COL14A1: variants seen among roughly 807,000 people sequenced by gnomAD.
COL14A1 encodes collagen type XIV alpha 1 chain, also known as collagen alpha-1(XIV) chain.
Under a neutral mutation model 230.3 loss-of-function variants are expected in COL14A1, and 136 were observed. The ratio of observed to expected loss-of-function variants is 0.59; its 90% confidence interval spans 0.51 to 0.68. The LOEUF (loss-of-function observed/expected upper bound fraction) is 0.68, where lower values mean the gene tolerates loss of function less well. COL14A1 is among the 30% of genes least tolerant of loss of function. The pLI is 0.00. For synonymous variants in COL14A1, 792 were observed against 784.1 expected, an observed-to-expected ratio of 1.01 and a Z score of -0.17; for missense variants, 1,976 against 2,215.8, an observed-to-expected ratio of 0.89 and a Z score of 2.17.
At chr8:120,360,882 T>C (rs967242813) in intron 45 of COL14A1, among the ~76,000 whole-genome samples, 1 of 152,020 alleles carries the variant, frequency 6.6e-6, no homozygotes, top group African/African-American at 2.4e-5. Flanking sequence ...TTTGGCAAGG[T>C]CAGCCCAATG....
intron 45 of COL14A1, among the ~76,000 whole-genome samples, chr8:120,348,199 ATATATATATG>A (rs1822591964): frequency 6.7e-6 from 1 of 148,606 alleles, no homozygotes; most frequent in Non-Finnish European, 1.5e-5. Context: ...TATATAAAGC[ATATATATATG>A]TATATATATG....
chr8:120,365,304 C>T (rs1823371978), intron 45 of COL14A1, among the ~76,000 whole-genome samples: 1 of 152,168 alleles, frequency 6.6e-6, no homozygotes, highest in African/African-American at 2.4e-5. Context: ...GATGATCCTG[C>T]ACCGTGAGGT....
chr8:120,295,575 T>C (rs147160636), intron 34 of COL14A1, among the ~76,000 whole-genome samples: 19 of 152,022 alleles, frequency 1.2e-4, no homozygotes, highest in African/African-American at 4.1e-4. Context: ...ATATTATTAT[T>C]GTGGAAACAA....
chr8:120,133,607 C>T (rs1814617587), intron 1 of COL14A1, among the ~76,000 whole-genome samples: 1 of 152,102 alleles, frequency 6.6e-6, no homozygotes, highest in African/African-American at 2.4e-5. Flanking sequence ...AAAGTTTACA[C>T]AGATGGAAAT....
chr8:120,204,182 G>A (rs1329525634), intron 9 of COL14A1, among the ~76,000 whole-genome samples: 3 of 152,138 alleles, frequency 2.0e-5, no homozygotes, highest in Non-Finnish European at 4.4e-5. Context: ...GAAAGATTGT[G>A]TGTTCTTTAC....
chr8:120,131,024 C>T (rs1452371311), intron 1 of COL14A1, among the ~76,000 whole-genome samples: 3 of 152,172 alleles, frequency 2.0e-5, no homozygotes, highest in Non-Finnish European at 4.4e-5. Flanking sequence ...CCAGCTGCAT[C>T]CATGTTGCCG....
intron 40 of COL14A1, among the ~76,000 whole-genome samples, chr8:120,323,736 G>C (rs868113062): frequency 3.9e-5 from 6 of 152,164 alleles, no homozygotes; most frequent in Middle Eastern, 6.8e-3. Flanking sequence ...TTGGTGTGTG[G>C]TCTTATTTCT....
chr8:120,294,434 CTT>C (rs57256972), intron 34 of COL14A1, among the ~76,000 whole-genome samples: 41 of 136,904 alleles, frequency 3.0e-4, no homozygotes, highest in African/African-American at 8.4e-4. Flanking sequence ...GTCTCTTCCT[CTT>C]TTTTTTTTTT....
chr8:120,364,777 G>A (rs1196867665), intron 45 of COL14A1, among the ~76,000 whole-genome samples: 1 of 151,882 alleles, frequency 6.6e-6, no homozygotes, highest in Admixed American at 6.6e-5. Flanking sequence ...CAGACACTCA[G>A]GAGGCTGAGG....
chr8:120,371,817 A>G lies in COL14A1; in HGVS notation c.*586A>G, dbSNP rs1812165720. The G allele has an allele frequency of 5.2e-6, 2 of 387,544 alleles. No homozygotes were observed. The highest frequency in any genetic ancestry group is 9.1e-6 in the Non-Finnish European group (2 of 218,854). The allele number at this position is 387,544 out of a possible 1,614,324, so 24.0% of individuals were successfully genotyped here. A position where few individuals can be genotyped will look rare whatever the true frequency, so the allele number is the denominator to read the frequency against. On this transcript the variant is annotated 3_prime_UTR_variant, in exon 48 of 48. Coordinates refer to ENST00000297848, the MANE Select transcript of COL14A1 (RefSeq NM_021110.4). ...TTAAGCTTTCTGAATTTGGTAGTTT[A>G]AGAAACAGATTTAGTTTTTCAGTGG... is the stretch of plus-strand genomic sequence containing the variant.
intron 40 of COL14A1, among the ~76,000 whole-genome samples, chr8:120,326,958 G>A (rs1477641918): frequency 2.6e-5 from 4 of 152,152 alleles, no homozygotes; most frequent in South Asian, 2.1e-4. Flanking sequence ...CCTGGGAGGC[G>A]GAGGTTGCCA....
At chr8:120,267,469 A>G (rs1184077392) in intron 25 of COL14A1, among the ~76,000 whole-genome samples, 2 of 151,980 alleles carry the variant, frequency 1.3e-5, no homozygotes, top group African/African-American at 4.8e-5. Context: ...AAAGAGAAAT[A>G]GGTGCTTGCC....
chr8:120,278,064 G>T, intron 26 of COL14A1, 47 bp from the exon 27 acceptor site: 1 of 1,514,586 alleles, frequency 6.6e-7, no homozygotes, highest in Non-Finnish European at 8.8e-7. Context: ...CTCTGACCCA[G>T]TGGAAGTCTA....
intron 26 of COL14A1, among the ~76,000 whole-genome samples, chr8:120,273,639 A>T (rs1231241155): frequency 6.6e-6 from 1 of 151,772 alleles, no homozygotes; most frequent in Non-Finnish European, 1.5e-5. Context: ...AATGCAAAAG[A>T]TTATTCAAGA....
chr8:120,182,420 A>G (rs2198749), intron 5 of COL14A1, among the ~76,000 whole-genome samples: 101,241 of 152,054 alleles, frequency 0.67, 34,480 homozygotes, highest in African/African-American at 0.81. Context: ...ATTGCAAAAT[A>G]TCAGGATTGG....
intron 4 of COL14A1, among the ~76,000 whole-genome samples, chr8:120,164,861 C>T (rs1815810654): frequency 6.6e-6 from 1 of 152,184 alleles, no homozygotes; most frequent in South Asian, 2.1e-4. Flanking sequence ...AAAGATTCAT[C>T]TTTCTCTAGT....
At position 120,262,994 on chromosome 8, in the gene COL14A1, T is replaced by G. The variant is rs1253629896; in HGVS notation, c.2996T>G (p.Val999Gly). 6.2e-7 allele frequency: 1 copy of G among 1,606,976 alleles called. No individual in the cohort carries two copies. Among genetic ancestry groups the G allele is most frequent in the South Asian group, 1.1e-5 (1 of 89,156 alleles). Residue 999 changes from valine (V) to glycine (G), a missense_variant, in exon 24 of 48, where the codon GTG becomes GGG. This residue lies in a region of COL14A1 where 1,791 missense variants were observed against 2,019.5 expected (regional missense o/e 0.89). Transcript: ENST00000297848. ...CTCCAGGAGATTGAAGGACCTAGTG[T>G]GAGCATAATGGAAAAAACACGTAAG... ...TKLQEIEGPS[V>G]SIMEKTQSLP...
At chr8:120,304,551 C>G (rs1820803948) in intron 36 of COL14A1, among the ~76,000 whole-genome samples, 1 of 152,046 alleles carries the variant, frequency 6.6e-6, no homozygotes, top group Admixed American at 6.6e-5. Context: ...TGTTGTCTTC[C>G]TATTGGCTTG....
intron 42 of COL14A1, among the ~76,000 whole-genome samples, chr8:120,341,033 C>T (rs1822276288): frequency 6.6e-6 from 1 of 152,184 alleles, no homozygotes. Flanking sequence ...AGGACCTACA[C>T]AGTGAAAATA....
Sources: gnomAD v4.1 joint callset for allele counts (sites outside exome capture counted in the v4.1 genomes callset) on GRCh38, gnomAD v4.1.1 for gene constraint, gnomAD v4.1.1 regional missense constraint, MANE v1.5 for transcripts, NCBI Gene and HGNC (gene_info 2026-07-23, HGNC 2026-07-21) for gene names.